The following LRRC56 variants were observed in gnomAD, a reference collection of about 807,000 sequenced individuals.
LRRC56 encodes leucine rich repeat containing 56, also known as leucine-rich repeat-containing protein 56.
Under a neutral mutation model 47.8 loss-of-function variants are expected in LRRC56, and 41 were observed. The ratio of observed to expected loss-of-function variants is 0.86; its 90% CI spans 0.67 to 1.11. The LOEUF (loss-of-function observed/expected upper bound fraction) is 1.11, where lower values mean the gene tolerates loss of function less well. Among genes scored for constraint, LRRC56 ranks in the 50% most tolerant of loss-of-function variants. The pLI is 0.00. For missense variants in LRRC56, 759 were observed against 704.2 expected (o/e 1.08, Z -0.88); for synonymous variants, 387 against 311.2 (o/e 1.24, Z -2.56).
chr11:532,807 G>A (rs748759319), upstream of LRRC56: 7 of 1,572,778 alleles, frequency 4.5e-6, 1 homozygote, highest in South Asian at 6.6e-5. Context: ...CCGCCTGCCT[G>A]GGTGAGGGGC....
At chr11:536,196 C>T (rs1397836958), upstream of LRRC56, among the ~76,000 whole-genome samples, 4 of 152,236 alleles carry the variant, frequency 2.6e-5, no homozygotes, top group East Asian at 1.9e-4. Flanking sequence ...GCCGTGTGCC[C>T]TGGGGCCAGG....
chr11:536,701 G>A (rs1851509929), upstream of LRRC56, among the ~76,000 whole-genome samples: 1 of 152,264 alleles, frequency 6.6e-6, no homozygotes. Flanking sequence ...AACCCGGGAG[G>A]CGGATGTTGC....
At chr11:513,443 G>A in the LRRC56 span, among the ~76,000 whole-genome samples, 1 of 152,186 alleles carries the variant, frequency 6.6e-6, no homozygotes, top group Admixed American at 6.5e-5. Flanking sequence ...ACAGGTGTGA[G>A]CCACCGCACC....
intron 6 of LRRC56, among the ~76,000 whole-genome samples, chr11:546,130 CATGG>C (rs1852064656): frequency 1.3e-5 from 2 of 152,038 alleles, no homozygotes; most frequent in African/African-American, 4.8e-5. Context: ...ATTAGCCGTG[CATGG>C]TGGCACATGC....
intron 9 of LRRC56, 30 bp downstream of exon 9, chr11:551,332 G>A: frequency 1.4e-6 from 2 of 1,465,024 alleles, no homozygotes; most frequent in South Asian, 2.7e-5. Flanking sequence ...AGGACCCACT[G>A]CTGAGCCCCA....
Position 552,242 on chromosome 11 carries a change from C to A in LRRC56, c.1181+10C>A. On this transcript the variant is annotated intron_variant, in intron 12 of 13. Transcript: ENST00000270115. ...GGGAACATGGCGTGCGGTGGGTGTC[C>A]CTCCAGCTCTTCCACTGGGTGTGTC... 6.2e-7 allele frequency: 1 copy of A among 1,605,098 alleles called. No individual in the cohort carries two copies. The highest frequency in any genetic ancestry group is 8.5e-7 in the Non-Finnish European group (1 of 1,174,536).
the LRRC56 span, among the ~76,000 whole-genome samples, chr11:510,307 A>G: frequency 2.0e-5 from 3 of 152,220 alleles, no homozygotes; most frequent in African/African-American, 4.8e-5. Flanking sequence ...TTCTACTTCT[A>G]TAAATATACT....
chr11:537,121 G>C (rs1446632450), upstream of LRRC56: 1 of 152,262 alleles, frequency 6.6e-6, no homozygotes, highest in African/African-American at 2.4e-5. Context: ...GGCAGGCCTC[G>C]GCCCCAGGGG....
upstream of LRRC56, chr11:533,591 C>T (rs1060504682): frequency 2.5e-6 from 4 of 1,613,872 alleles, no homozygotes; most frequent in Admixed American, 3.3e-5. Context: ...CATCCGAGTC[C>T]TTCACCCGTT....
chr11:552,517 C>A, intron 12 of LRRC56, 52 bp from the exon 13 acceptor site: 2 of 1,497,166 alleles, frequency 1.3e-6, no homozygotes, highest in Non-Finnish European at 1.8e-6. Flanking sequence ...CCTATGTGTC[C>A]TGTCCCGTGG....
At chr11:521,399 C>T in the LRRC56 span, among the ~76,000 whole-genome samples, 20 of 152,316 alleles carry the variant, frequency 1.3e-4, no homozygotes, top group Non-Finnish European at 2.6e-4. Flanking sequence ...GTCTGAACCA[C>T]CTGGGCTCAA....
the LRRC56 span, among the ~76,000 whole-genome samples, chr11:526,632 C>T: frequency 1.1e-4 from 16 of 152,292 alleles, no homozygotes; most frequent in South Asian, 4.1e-4. Flanking sequence ...GTGCTACATC[C>T]CTACAAAGAA....
At chr11:523,784 C>CCT in the LRRC56 span, among the ~76,000 whole-genome samples, 1 of 151,968 alleles carries the variant, frequency 6.6e-6, no homozygotes, top group African/African-American at 2.4e-5. Context: ...AAAAATTAGC[C>CCT]GGGTGTGGTG....
At chr11:515,024 A>G in the LRRC56 span, among the ~76,000 whole-genome samples, 1 of 152,192 alleles carries the variant, frequency 6.6e-6, no homozygotes, top group Non-Finnish European at 1.5e-5. Flanking sequence ...GTTTGACAGA[A>G]AGACTTGAAA....
chr11:528,663 G>C, the LRRC56 span: 5 of 152,200 alleles, frequency 3.3e-5, no homozygotes, highest in African/African-American at 1.2e-4. Flanking sequence ...CGATCGTCTC[G>C]AGCCACGGGG....
intron 13 of LRRC56, 79 bp from the exon 14 acceptor site, chr11:553,884 G>A: frequency 7.5e-7 from 1 of 1,334,014 alleles, no homozygotes. Context: ...AGGGCCACGG[G>A]TGGGCTGTGG....
chr11:533,212 G>A (rs1382054256), upstream of LRRC56: 4 of 1,373,418 alleles, frequency 2.9e-6, no homozygotes, highest in Non-Finnish European at 4.0e-6. Flanking sequence ...GCCCAGGACT[G>A]CAGGGCGTGA....
the LRRC56 span, among the ~76,000 whole-genome samples, chr11:521,483 AT>A: frequency 6.6e-6 from 1 of 151,996 alleles, no homozygotes; most frequent in Non-Finnish European, 1.5e-5. Flanking sequence ...TAATTTTTGT[AT>A]TTTTGGCAGG....
upstream of LRRC56, chr11:534,532 C>A: frequency 1.7e-6 from 1 of 598,436 alleles, no homozygotes; most frequent in South Asian, 2.0e-5. Flanking sequence ...GCAGCTGCAA[C>A]CCAGCGTGCG....
Sources: gnomAD v4.1 joint callset for allele counts (sites outside exome capture counted in the v4.1 genomes callset) on GRCh38, gnomAD v4.1.1 for gene constraint, MANE v1.5 for transcripts, NCBI Gene and HGNC (gene_info 2026-07-23, HGNC 2026-07-21) for gene names.